ATP8B2: variants seen among roughly 807,000 people sequenced by gnomAD.
The protein encoded by ATP8B2 is phospholipid-transporting ATPase ID.
A neutral mutation model predicts 133.4 loss-of-function variants in ATP8B2; 70 were observed. The ratio of observed to expected loss-of-function variants is 0.52; its 90% CI spans 0.43 to 0.64. ATP8B2 has a LOEUF of 0.64. ATP8B2 is among the 30% of genes least tolerant of loss of function. The probability of loss-of-function intolerance (pLI) is 0.00; values close to 1 mark genes in which losing one functional copy is unlikely to be tolerated. For synonymous variants in ATP8B2, 517 were observed against 589.5 expected, an observed-to-expected ratio of 0.88 and a Z score of 1.78; for missense variants, 1,101 against 1,535.7, an observed-to-expected ratio of 0.72 and a Z score of 4.73.
rs567397082 is a variant in ATP8B2 at position 154,351,037 on chromosome 1, G to A, written c.*1919G>A. 6.6e-6 allele frequency: 1 copy of A among 151,258 alleles called. No homozygotes were observed. Among genetic ancestry groups the A allele is most frequent in the East Asian group, 2.0e-4 (1 of 5,072 alleles). 9.4% of individuals were successfully genotyped at this position (151,258 alleles called of 1,614,324 possible). A position where few individuals can be genotyped will look rare whatever the true frequency, so the allele number is the denominator to read the frequency against. ...TCATGTCTGTCTGTGTGTCTCTCAA[G>A]GTGAGAGTCTGATTTTTATACCAAA... On this transcript the variant is annotated 3_prime_UTR_variant, in exon 28 of 28. Coordinates refer to ENST00000368489, the MANE Select transcript of ATP8B2 (RefSeq NM_001370597.1).
In ATP8B2 at chr1:154,343,481, C is replaced by G; in HGVS notation, c.1671C>G (p.Leu557=). Residue 557 remains leucine (L), a synonymous_variant, in exon 17 of 28, where the codon CTC becomes CTG. Coordinates refer to ENST00000368489, the MANE Select transcript of ATP8B2 (RefSeq NM_001370597.1). The surrounding 1 kb of genome is among the most constrained non-coding windows in gnomAD (Gnocchi z 5.8). ...IVRNPEGKIR[L]YCKGADTILL... The stretch of plus-strand genomic sequence containing the variant: ...GGAATCCAGAGGGGAAGATCCGACT[C>G]TACTGCAAAGGGGCTGACACTATCC... The G allele has an allele frequency of 6.2e-7, 1 of 1,614,142 alleles. No individual in the cohort carries two copies. The highest frequency in any genetic ancestry group is 1.7e-5 in the Admixed American group (1 of 60,006).
Position 154,342,941 on chromosome 1 carries a change from T to C in ATP8B2, c.1433T>C (p.Met478Thr), listed in dbSNP as rs867789468. The C allele has an allele frequency of 1.2e-6, 2 of 1,614,144 alleles. No homozygotes were observed. The highest frequency in any genetic ancestry group is 8.5e-7 in the Non-Finnish European group (1 of 1,180,028). Residue 478 changes from methionine (M) to threonine (T), a missense_variant, in exon 15 of 28, where the codon ATG becomes ACG. Met to Thr is a moderately conservative substitution (Grantham distance 81). Coordinates refer to ENST00000368489, the MANE Select transcript of ATP8B2 (RefSeq NM_001370597.1). ...CTCCTTTCCCTGTGTCATACTGTCA[T>C]GTCAGAAGAAAAGAACGAAGGTGGG... ...FRLLSLCHTV[M>T]SEEKNEGELY...
chr1:154,337,033 G>C (rs1055267472), intron 11 of ATP8B2, among the ~76,000 whole-genome samples: 1 of 151,850 alleles, frequency 6.6e-6, no homozygotes, highest in African/African-American at 2.4e-5. Flanking sequence ...CCTGACCTCA[G>C]GTGATCCATC....
intron 2 of ATP8B2, chr1:154,329,165 C>T: frequency 8.8e-7 from 1 of 1,135,398 alleles, no homozygotes; most frequent in Non-Finnish European, 1.1e-6. Flanking sequence ...CTCCCCCTAC[C>T]TGCCTTGATC....
Position 154,337,470 on chromosome 1 carries a change from C to T in ATP8B2, c.960C>T (p.Phe320=), listed in dbSNP as rs779262312. Residue 320 remains phenylalanine, a synonymous_variant, in exon 12 of 28, where the codon TTC becomes TTT. Coordinates refer to ENST00000368489, the MANE Select transcript of ATP8B2 (RefSeq NM_001370597.1). ...LPWDEAVDSA[F]FSGFLSFWSY... Reference sequence around the variant, plus strand: ...GGGATGAGGCAGTGGACAGTGCCTTCTTCTCTGGCTTCCTCTCCTTCTGGT... The same window carrying T: ...GGGATGAGGCAGTGGACAGTGCCTTTTTCTCTGGCTTCCTCTCCTTCTGGT... 3.7e-6 allele frequency: 6 copies of T among 1,614,200 alleles called. No individual in the cohort carries two copies. The South Asian group carries it at 4.4e-5, about 12-fold the overall frequency.
At position 154,334,166 on chromosome 1, in the gene ATP8B2, T is replaced by C. The variant is rs1218082450; in HGVS notation, c.649T>C (p.Trp217Arg). The C allele has an allele frequency of 6.2e-7, 1 of 1,614,196 alleles. No individual in the cohort carries two copies. The highest frequency in any genetic ancestry group is 2.2e-5 in the East Asian group (1 of 44,882). The change falls in exon 10 of 28, where the codon TGG (tryptophan) becomes CGG (arginine). Residue 217 changes from tryptophan (W) to arginine (R), a missense_variant. Trp to Arg is a moderately radical substitution (Grantham distance 101, BLOSUM62 -3). Coordinates refer to ENST00000368489, the MANE Select transcript of ATP8B2 (RefSeq NM_001370597.1). This position sits in a 1 kb window ranked among gnomAD's most constrained non-coding sequence, Gnocchi z 4.6. The stretch of plus-strand genomic sequence containing the variant: ...GGACAAATTCAGCGGAACCCTCTAC[T>C]GGAAGGAAAATAAGTTCCCTCTGAG... ...KLDKFSGTLYWKENKFPLSNQ... is the reference protein window; with the variant it reads ...KLDKFSGTLYRKENKFPLSNQ...
In ATP8B2 at chr1:154,344,160, C is replaced by G. The variant is rs769942371; in HGVS notation, c.1941C>G (p.Ala647=). Residue 647 remains alanine (A), a synonymous_variant, in exon 19 of 28, where the codon GCC becomes GCG. Transcript: ENST00000368489. This position sits in a 1 kb window ranked among gnomAD's most constrained non-coding sequence, Gnocchi z 4.1. ...ENNMMLLGAT[A]IEDKLQQGVP... is the part of the protein sequence containing the mutation. ...ATTTTCAGCTGCTGGGTGCAACGGC[C>G]ATTGAGGACAAACTTCAGCAAGGGG... 3 of 1,614,210 alleles carry G rather than the reference C, an allele frequency of 1.9e-6. No homozygotes were observed. The highest frequency in any genetic ancestry group is 3.3e-4 in the Middle Eastern group (2 of 6,062).
Position 154,344,228 on chromosome 1 carries a change from T to C in ATP8B2, c.2009T>C (p.Ile670Thr). Residue 670 changes from isoleucine (I) to threonine (T), a missense_variant, in exon 19 of 28, where the codon ATT (isoleucine) becomes ACT (threonine). Ile to Thr is a moderately conservative substitution (Grantham distance 89, BLOSUM62 -1). Transcript: ENST00000368489. This position sits in a 1 kb window ranked among gnomAD's most constrained non-coding sequence, Gnocchi z 4.1. ...CTCCTGACACTGGCCAACATCAAGA[T>C]TTGGGTGCTAACCGGAGACAAGCAA... ...IALLTLANIKIWVLTGDKQET... is the reference protein window; with the variant it reads ...IALLTLANIKTWVLTGDKQET... 12 of 1,614,090 alleles carry C rather than the reference T, an allele frequency of 7.4e-6. No individual in the cohort carries two copies. The highest frequency in any genetic ancestry group is 1.0e-5 in the Non-Finnish European group (12 of 1,180,000).
At chr1:154,347,013 C>G (rs984687602) in intron 26 of ATP8B2, among the ~76,000 whole-genome samples, 3 of 152,194 alleles carry the variant, frequency 2.0e-5, no homozygotes, top group Non-Finnish European at 4.4e-5. Context: ...CCTCAGCCTC[C>G]TGAGTAGCTG....
intron 8 of ATP8B2, 72 bp downstream of exon 8, chr1:154,332,096 G>GT: frequency 6.7e-7 from 1 of 1,502,774 alleles, no homozygotes; most frequent in Non-Finnish European, 9.3e-7. Context: ...TTTGAATGAG[G>GT]TTCTCAGGCC....
rs1036004282 is a variant in ATP8B2 at position 154,346,087 on chromosome 1, G to A, written c.2779-144G>A. 5 of 1,258,018 alleles carry A rather than the reference G, an allele frequency of 4.0e-6. No individual in the cohort carries two copies. The highest frequency in any genetic ancestry group is 5.6e-6 in the Non-Finnish European group (5 of 890,884). 77.9% of individuals were successfully genotyped at this position (1,258,018 alleles called of 1,614,324 possible). ...TGGGTTGCTGAACTAAGTTAGTCTG[G>A]GGGTAGCTGGCTTGAGGTTGGTTCT... On this transcript the variant is annotated intron_variant, in intron 24 of 27. Transcript: ENST00000368489. This position sits in a 1 kb window ranked among gnomAD's most constrained non-coding sequence, Gnocchi z 4.5.
chr1:154,334,528 C>T lies in ATP8B2; in HGVS notation c.774C>T (p.Asn258=). The T allele has an allele frequency of 1.9e-6, 3 of 1,614,112 alleles. No individual in the cohort carries two copies. The highest frequency in any genetic ancestry group is 2.5e-6 in the Non-Finnish European group (3 of 1,180,028). Residue 258 remains asparagine (N), a synonymous_variant, in exon 11 of 28, where the codon AAC becomes AAT. Coordinates refer to ENST00000368489, the MANE Select transcript of ATP8B2 (RefSeq NM_001370597.1). This position sits in a 1 kb window ranked among gnomAD's most constrained non-coding sequence, Gnocchi z 4.6. ...GTCCCGACACTAAGCTGATGCAAAA[C>T]AGCGGCAGAACAAAGTTCAAAAGAA... ...FAGPDTKLMQ[N]SGRTKFKRTS...
At chr1:154,333,795 C>T (rs1379968554) in intron 9 of ATP8B2, among the ~76,000 whole-genome samples, 2 of 151,854 alleles carry the variant, frequency 1.3e-5, no homozygotes, top group East Asian at 1.9e-4. Context: ...CCACCACACC[C>T]GGCTAATTTT....
At position 154,343,477 on chromosome 1, in the gene ATP8B2, G is replaced by A. The variant is rs531655855; in HGVS notation, c.1667G>A (p.Arg556Gln). ...VIVRNPEGKI[R>Q]LYCKGADTIL... ...GTGCGGAATCCAGAGGGGAAGATCC[G>A]ACTCTACTGCAAAGGGGCTGACACT... The change falls in exon 17 of 28, where the codon CGA (arginine) becomes CAA (glutamine). Residue 556 changes from arginine (R) to glutamine (Q), a missense_variant. By Grantham distance (43) the Arg-to-Gln change is conservative. Coordinates refer to ENST00000368489, the MANE Select transcript of ATP8B2 (RefSeq NM_001370597.1). The surrounding 1 kb of genome is among the most constrained non-coding windows in gnomAD (Gnocchi z 5.8). 13 of 1,614,040 alleles carry A rather than the reference G, an allele frequency of 8.1e-6. No homozygotes were observed. Among genetic ancestry groups the A allele is most frequent in the African/African-American group, 4.0e-5 (3 of 75,000 alleles).
intron 12 of ATP8B2, chr1:154,337,930 T>C: frequency 2.2e-6 from 1 of 446,906 alleles, no homozygotes; most frequent in African/African-American, 2.0e-5. Context: ...GAACCAGTGC[T>C]GTAGAATTCG....
At position 154,331,989 on chromosome 1, in the gene ATP8B2, T is replaced by G. The variant is rs1287190979; in HGVS notation, c.474T>G (p.His158Gln). The change falls in exon 8 of 28, where the codon CAT (histidine) becomes CAG (glutamine). Residue 158 changes from histidine (H) to glutamine (Q), a missense_variant. Physicochemically the swap from His to Gln is conservative, Grantham distance 24. Transcript: ENST00000368489. The surrounding 1 kb of genome is among the most constrained non-coding windows in gnomAD (Gnocchi z 4.8). ...DLLLLSSSEP[H>Q]GLCYIETAEL... ...TCCTCCTTTCCAGCAGTGAGCCCCA[T>G]GGGCTGTGTTACATAGAGACAGCAG... 6.2e-7 allele frequency: 1 copy of G among 1,614,052 alleles called. No homozygotes were observed. Among genetic ancestry groups the G allele is most frequent in the Non-Finnish European group, 8.5e-7 (1 of 1,180,004 alleles).
Position 154,344,343 on chromosome 1 carries a change from G to A in ATP8B2, c.2036-52G>A, listed in dbSNP as rs1686504549. On this transcript the variant is annotated intron_variant, in intron 19 of 27. Coordinates refer to ENST00000368489, the MANE Select transcript of ATP8B2 (RefSeq NM_001370597.1). The surrounding 1 kb of genome is among the most constrained non-coding windows in gnomAD (Gnocchi z 4.1). ...AGCCGAGGACATCAGGCAGGCAAGT[G>A]TGCTGACCTTGTTGGGTGCCTGTCC... 8 of 1,614,032 alleles carry A rather than the reference G, an allele frequency of 5.0e-6. No individual in the cohort carries two copies. The highest frequency in any genetic ancestry group is 1.6e-4 in the Middle Eastern group (1 of 6,084).
chr1:154,328,184 A>G lies in ATP8B2; in HGVS notation c.31+12A>G. The G allele has an allele frequency of 6.2e-7, 1 of 1,611,856 alleles. No individual in the cohort carries two copies. The highest frequency in any genetic ancestry group is 8.5e-7 in the Non-Finnish European group (1 of 1,178,154). Reference sequence around the variant, plus strand: ...AAAGCGCCCCCCAGGTAAGACAGGCAAGGAGGGGAGATCCCGGGAACCATC... The same window carrying G: ...AAAGCGCCCCCCAGGTAAGACAGGCGAGGAGGGGAGATCCCGGGAACCATC... On this transcript the variant is annotated intron_variant, in intron 2 of 27. Coordinates refer to ENST00000368489, the MANE Select transcript of ATP8B2 (RefSeq NM_001370597.1). The surrounding 1 kb of genome is among the most constrained non-coding windows in gnomAD (Gnocchi z 4.6).
At chr1:154,326,088 A>G (rs566177993) in intron 1 of ATP8B2, among the ~76,000 whole-genome samples, 1 of 152,190 alleles carries the variant, frequency 6.6e-6, no homozygotes, top group South Asian at 2.1e-4. Context: ...TGCCTGGAGA[A>G]GGGAGTTTGG....
Sources: gnomAD v4.1 joint callset for allele counts (sites outside exome capture counted in the v4.1 genomes callset) on GRCh38, gnomAD v4.1.1 for gene constraint, Gnocchi (gnomAD v3.1) non-coding constraint, MANE v1.5 for transcripts, NCBI Gene and HGNC (gene_info 2026-07-23, HGNC 2026-07-21) for gene names.